Variants in PPM1E observed in about 807,000 individuals in gnomAD.
PPM1E encodes the protein protein phosphatase 1E.
In PPM1E, 20 loss-of-function variants were observed where a neutral mutation model predicts 65.9. The observed-to-expected ratio is 0.30, with a 90% CI of 0.21 to 0.44. PPM1E has a LOEUF of 0.44. PPM1E is among the 20% of genes least tolerant of loss of function. The pLI is 1.00. For missense variants in PPM1E, 713 were observed against 953.1 expected, an observed-to-expected ratio of 0.75 and a Z score of 3.32; for synonymous variants, 352 against 374.9, an observed-to-expected ratio of 0.94 and a Z score of 0.70.
chr17:58,936,601 C>A (rs150060859), intron 1 of PPM1E, among the ~76,000 whole-genome samples: 1 of 152,080 alleles, frequency 6.6e-6, no homozygotes, highest in African/African-American at 2.4e-5. Flanking sequence ...CTAATAATGT[C>A]GTTAGTGATT....
intron 1 of PPM1E, among the ~76,000 whole-genome samples, chr17:58,823,227 GA>G (rs2143144112): frequency 6.6e-6 from 1 of 152,274 alleles, no homozygotes; most frequent in East Asian, 1.9e-4. Context: ...AAGAGAGGCT[GA>G]AATGGTCATA....
intron 1 of PPM1E, among the ~76,000 whole-genome samples, chr17:58,823,453 T>G (rs1179530548): frequency 6.6e-6 from 1 of 152,220 alleles, no homozygotes; most frequent in East Asian, 1.9e-4. Context: ...TGATTAGATA[T>G]GTTTTATATC....
At chr17:58,972,994 T>C (rs1309053849) in intron 6 of PPM1E, 69 bp downstream of exon 6, 2 of 1,045,532 alleles carry the variant, frequency 1.9e-6, no homozygotes, top group Non-Finnish European at 2.9e-6. Flanking sequence ...TCAACTCTGA[T>C]ACAGGGAACC....
intron 1 of PPM1E, among the ~76,000 whole-genome samples, chr17:58,847,014 T>C (rs1483790039): frequency 3.9e-5 from 6 of 152,238 alleles, no homozygotes; most frequent in Non-Finnish European, 5.9e-5. Flanking sequence ...ATTTCTCTGA[T>C]GACCAGTGAT....
intron 1 of PPM1E, among the ~76,000 whole-genome samples, chr17:58,952,012 A>G (rs1208126803): frequency 2.0e-5 from 3 of 152,072 alleles, no homozygotes; most frequent in Admixed American, 2.0e-4. Context: ...TCATAGGGAA[A>G]GATTTAGTCA....
chr17:58,875,097 G>T (rs1319414977), intron 1 of PPM1E, among the ~76,000 whole-genome samples: 1 of 152,082 alleles, frequency 6.6e-6, no homozygotes, highest in Non-Finnish European at 1.5e-5. Flanking sequence ...AAATATGGAA[G>T]TTTTGAAAGA....
chr17:58,811,496 A>G (rs899582401), intron 1 of PPM1E, among the ~76,000 whole-genome samples: 2 of 152,160 alleles, frequency 1.3e-5, no homozygotes. Context: ...ATTAATTTGT[A>G]TGCATTGCGC....
chr17:58,877,207 A>G (rs1255814267), intron 1 of PPM1E, among the ~76,000 whole-genome samples: 1 of 152,250 alleles, frequency 6.6e-6, no homozygotes, highest in African/African-American at 2.4e-5. Context: ...TAATACAACT[A>G]TTTGCATAGC....
chr17:58,883,200 C>A (rs1010117336), intron 1 of PPM1E, among the ~76,000 whole-genome samples: 1 of 151,880 alleles, frequency 6.6e-6, no homozygotes, highest in African/African-American at 2.4e-5. Context: ...CTCAGGTGAT[C>A]CACCTGCCTT....
intron 1 of PPM1E, among the ~76,000 whole-genome samples, chr17:58,878,554 A>G (rs1221179954): frequency 6.6e-6 from 1 of 150,696 alleles, no homozygotes; most frequent in Non-Finnish European, 1.5e-5. Context: ...AGAATAGATG[A>G]TCATTTAAAA....
At chr17:58,855,965 G>C (rs565884605) in intron 1 of PPM1E, among the ~76,000 whole-genome samples, 1 of 152,158 alleles carries the variant, frequency 6.6e-6, no homozygotes, top group South Asian at 2.1e-4. Flanking sequence ...AGATACATAG[G>C]GAAAATTGTT....
intron 1 of PPM1E, among the ~76,000 whole-genome samples, chr17:58,954,801 A>G (rs1365465125): frequency 6.6e-6 from 1 of 150,692 alleles, no homozygotes; most frequent in Non-Finnish European, 1.5e-5. Context: ...AATAGTTTGA[A>G]CCTGGGAGGC....
At chr17:58,867,948 C>T (rs1357321366) in intron 1 of PPM1E, among the ~76,000 whole-genome samples, 1 of 152,112 alleles carries the variant, frequency 6.6e-6, no homozygotes, top group East Asian at 1.9e-4. Flanking sequence ...TTACACCCAC[C>T]ATCTGTAATG....
intron 1 of PPM1E, among the ~76,000 whole-genome samples, chr17:58,843,325 C>CAAA (rs1177213005): frequency 1.1e-5 from 1 of 91,472 alleles, no homozygotes; most frequent in Non-Finnish European, 2.2e-5. Flanking sequence ...GACTCCCTCT[C>CAAA]AAAAAAAAAA....
At position 58,801,440 on chromosome 17, in the gene PPM1E, C is replaced by CT. The variant is rs35970989; in HGVS notation, c.464+44998dup. On this transcript the variant is annotated intron_variant, in intron 1 of 6. Coordinates refer to ENST00000308249, the MANE Select transcript of PPM1E (RefSeq NM_014906.5). ...TAATATTGTCTTTTTCCCCTTCAGT[C>CT]TTTTTTTTTTTTTTTTTTTGAGGTG... Among the ~76,000 whole-genome samples, 303 of 101,136 alleles carry CT rather than the reference C, an allele frequency of 3.0e-3. 7 individuals are homozygous for CT. Among genetic ancestry groups the CT allele is most frequent in the African/African-American group, 5.4e-3 (134 of 24,920 alleles). The allele number at this position is 101,136 out of a possible 152,430, so 66.3% of individuals were successfully genotyped here.
intron 1 of PPM1E, among the ~76,000 whole-genome samples, chr17:58,947,233 CTTTTTT>C (rs71145507): frequency 2.2e-5 from 1 of 45,066 alleles, no homozygotes; most frequent in Admixed American, 2.9e-4. Flanking sequence ...CACTCCTGGC[CTTTTTT>C]TTTTTTTTTT....
intron 1 of PPM1E, among the ~76,000 whole-genome samples, chr17:58,811,658 GA>G (rs1295722127): frequency 9.2e-5 from 14 of 152,120 alleles, no homozygotes; most frequent in Non-Finnish European, 1.6e-4. Flanking sequence ...GGTACAAAGT[GA>G]ATTAATTTGT....
chr17:58,779,263 C>T (rs1399842501), intron 1 of PPM1E, among the ~76,000 whole-genome samples: 2 of 150,730 alleles, frequency 1.3e-5, no homozygotes, highest in African/African-American at 2.4e-5. Flanking sequence ...GCAACCTCCG[C>T]TTCCTGGGTT....
chr17:58,868,354 G>T (rs756007355), intron 1 of PPM1E, among the ~76,000 whole-genome samples: 2 of 151,820 alleles, frequency 1.3e-5, no homozygotes, highest in Non-Finnish European at 2.9e-5. Flanking sequence ...GTAGGCCCTC[G>T]CTAACAATAT....
Sources: gnomAD v4.1 joint callset for allele counts (sites outside exome capture counted in the v4.1 genomes callset) on GRCh38, gnomAD v4.1.1 for gene constraint, MANE v1.5 for transcripts, NCBI Gene and HGNC (gene_info 2026-07-23, HGNC 2026-07-21) for gene names.